CFAP221: variants seen among roughly 807,000 people sequenced by gnomAD.
CFAP221 encodes cilia- and flagella-associated protein 221.
A neutral mutation model predicts 113.1 loss-of-function variants in CFAP221; 97 were observed. The observed-to-expected ratio is 0.86, with a 90% confidence interval of 0.73 to 1.02. The LOEUF is 1.02. Ranked by LOEUF, CFAP221 falls within the 50% of genes least tolerant of loss-of-function variation. The pLI, the probability that CFAP221 is intolerant of heterozygous loss-of-function variation, is 0.00. For missense variants in CFAP221, 1,025 were observed against 1,013.4 expected (o/e 1.01, Z -0.16); for synonymous variants, 331 against 354.4 (o/e 0.93, Z 0.74).
At chr2:119,603,447 C>G (rs1254504174) in intron 8 of CFAP221, among the ~76,000 whole-genome samples, 1 of 152,134 alleles carries the variant, frequency 6.6e-6, no homozygotes, top group Non-Finnish European at 1.5e-5. Context: ...GACACGTTCT[C>G]CCATGCCCTG....
rs147638703 is a variant in CFAP221, at chr2:119,639,870, G to T, written c.2223G>T (p.Lys741Asn). ...ACCCCTCCAAGATGGAGACCACAAA[G>T]AGGTAAGCACAGCTCATCTGTTTGC... is the stretch of plus-strand genomic sequence containing the variant. ...LPDPSKMETTKSCDSFNSFML... is the reference protein window; with the variant it reads ...LPDPSKMETTNSCDSFNSFML... Residue 741 changes from lysine (K) to asparagine (N), a missense_variant and splice_region_variant, in exon 21 of 24, where the codon AAG (lysine) becomes AAT (asparagine). Lys to Asn is a moderately conservative substitution (Grantham distance 94). Transcript: ENST00000413369. The T allele has an allele frequency of 1.8e-4, 286 of 1,613,082 alleles. 3 individuals are homozygous for T. The East Asian group carries it at 6.4e-3, about 36-fold the overall frequency.
At chr2:119,577,245 G>A (rs564209243) in intron 6 of CFAP221, among the ~76,000 whole-genome samples, 27 of 152,316 alleles carry the variant, frequency 1.8e-4, no homozygotes, top group African/African-American at 6.0e-4. Flanking sequence ...ATCAGAGGGT[G>A]CCACCCTCAT....
chr2:119,601,363 C>A lies in CFAP221; in HGVS notation c.777C>A (p.Pro259=). 6.5e-7 allele frequency: 1 copy of A among 1,528,718 alleles called. No homozygotes were observed. The highest frequency in any genetic ancestry group is 1.7e-4 in the Middle Eastern group (1 of 5,960). 94.7% of individuals were successfully genotyped at this position (1,528,718 alleles called of 1,614,324 possible). The change falls in exon 8 of 24, where the codon CCC becomes CCA. Residue 259 remains proline (P), a synonymous_variant. Coordinates refer to ENST00000413369, the MANE Select transcript of CFAP221 (RefSeq NM_001271049.2). The stretch of plus-strand genomic sequence containing the variant: ...GTGTCTTCACCGGAACATGCTATCC[C>A]AACATGGCCTTACCGTATGGCGTCT... ...YECVFTGTCY[P]NMALPLEEFE...
At chr2:119,622,388 C>T in intron 14 of CFAP221, among the ~76,000 whole-genome samples, 1 of 151,666 alleles carries the variant, frequency 6.6e-6, no homozygotes, top group Middle Eastern at 3.4e-3. Flanking sequence ...GCCTACCAAC[C>T]AAAAAAAAGC....
At chr2:119,642,457 C>T (rs1228457054) in intron 21 of CFAP221, among the ~76,000 whole-genome samples, 1 of 150,306 alleles carries the variant, frequency 6.7e-6, no homozygotes, top group African/African-American at 2.4e-5. Context: ...CTGGTGAGGG[C>T]CAGCTTCCTG....
At chr2:119,642,808 G>A (rs1213300339) in intron 21 of CFAP221, among the ~76,000 whole-genome samples, 1 of 151,896 alleles carries the variant, frequency 6.6e-6, no homozygotes, top group Non-Finnish European at 1.5e-5. Context: ...CCAAAGTGCT[G>A]GGATTACAGA....
intron 6 of CFAP221, among the ~76,000 whole-genome samples, chr2:119,579,199 G>GT (rs758049636): frequency 1.7e-4 from 26 of 152,060 alleles, no homozygotes; most frequent in Non-Finnish European, 3.1e-4. Context: ...GCACTAACAT[G>GT]TACTTGCCTT....
chr2:119,658,619 G>GCACACA (rs370284869), downstream of CFAP221, among the ~76,000 whole-genome samples: 89 of 147,734 alleles, frequency 6.0e-4, 1 homozygote, highest in African/African-American at 2.1e-3. Context: ...CCCTCAACAC[G>GCACACA]CACACACACA....
intron 7 of CFAP221, among the ~76,000 whole-genome samples, chr2:119,594,343 C>T (rs1169327672): frequency 6.6e-6 from 1 of 152,070 alleles, no homozygotes; most frequent in Non-Finnish European, 1.5e-5. Flanking sequence ...TCAAGCGATC[C>T]TCCTGCCTCA....
intron 6 of CFAP221, among the ~76,000 whole-genome samples, chr2:119,564,282 C>T (rs1033365627): frequency 6.6e-6 from 1 of 152,180 alleles, no homozygotes; most frequent in Non-Finnish European, 1.5e-5. Context: ...TTCCTTGGTT[C>T]AGCTGTTGCG....
chr2:119,629,044 G>T (rs1370842381), intron 16 of CFAP221, among the ~76,000 whole-genome samples: 1 of 152,160 alleles, frequency 6.6e-6, no homozygotes, highest in East Asian at 1.9e-4. Flanking sequence ...AAAAAAGAAT[G>T]AATTAATTTA....
At chr2:119,558,965 G>A (rs1477510876) in intron 3 of CFAP221, among the ~76,000 whole-genome samples, 1 of 152,216 alleles carries the variant, frequency 6.6e-6, no homozygotes, top group Non-Finnish European at 1.5e-5. Context: ...CAAGCCCCTG[G>A]GACAGACCCA....
intron 8 of CFAP221, chr2:119,601,705 G>A: frequency 5.0e-6 from 1 of 200,572 alleles, no homozygotes; most frequent in East Asian, 1.1e-4. Context: ...AAACAATAGG[G>A]CCAGAACAAC....
chr2:119,623,188 A>G (rs373386186), intron 14 of CFAP221, among the ~76,000 whole-genome samples: 1 of 152,192 alleles, frequency 6.6e-6, no homozygotes, highest in East Asian at 1.9e-4. Context: ...CAAAATCAAT[A>G]TGCAAAAATC....
At chr2:119,607,668 C>T (rs1346144572) in intron 11 of CFAP221, among the ~76,000 whole-genome samples, 1 of 152,158 alleles carries the variant, frequency 6.6e-6, no homozygotes, top group East Asian at 1.9e-4. Context: ...TCACTCCCCA[C>T]TCCCCACCCC....
At chr2:119,580,007 G>T (rs1043716074) in intron 6 of CFAP221, among the ~76,000 whole-genome samples, 1 of 152,084 alleles carries the variant, frequency 6.6e-6, no homozygotes, top group Non-Finnish European at 1.5e-5. Flanking sequence ...TTCACATCGC[G>T]CATTACCCAA....
At position 119,608,551 on chromosome 2, in the gene CFAP221, C is replaced by T; in HGVS notation, c.1183C>T (p.Leu395Phe). 6.2e-7 allele frequency: 1 copy of T among 1,613,008 alleles called. No homozygotes were observed. Among genetic ancestry groups the T allele is most frequent in the African/African-American group, 1.3e-5 (1 of 74,810 alleles). ...TATGTCTTTTAAACTTAAAAAAGAGCTTACTGAAGAGTGGCAAAAAGCATG... is the reference window on the plus strand; with the variant it reads ...TATGTCTTTTAAACTTAAAAAAGAGTTTACTGAAGAGTGGCAAAAAGCATG... ...DPMSFKLKKE[L>F]TEEWQKACAK... Residue 395 changes from leucine (L) to phenylalanine (F), a missense_variant, in exon 12 of 24, where the codon CTT becomes TTT. Leu to Phe is a conservative substitution (Grantham distance 22). Coordinates refer to ENST00000413369, the MANE Select transcript of CFAP221 (RefSeq NM_001271049.2).
intron 7 of CFAP221, among the ~76,000 whole-genome samples, chr2:119,590,531 G>A (rs1256419054): frequency 1.3e-5 from 2 of 152,178 alleles, no homozygotes; most frequent in Non-Finnish European, 2.9e-5. Flanking sequence ...GTCTGGACTT[G>A]CCGCTAGTCC....
chr2:119,627,845 A>T (rs1192930328), intron 16 of CFAP221, 59 bp downstream of exon 16: 1 of 1,597,648 alleles, frequency 6.3e-7, no homozygotes. Context: ...TGTTGGGCAG[A>T]TACAAGGCAA....
Sources: gnomAD v4.1 joint callset for allele counts (sites outside exome capture counted in the v4.1 genomes callset) on GRCh38, gnomAD v4.1.1 for gene constraint, MANE v1.5 for transcripts, NCBI Gene and HGNC (gene_info 2026-07-23, HGNC 2026-07-21) for gene names.